Variants in SLIT2 observed in about 807,000 individuals in gnomAD.
SLIT2 encodes the protein slit homolog 2 protein.
SLIT2 carries 41 observed loss-of-function variants against 185.7 expected under a neutral mutation model. The ratio of observed to expected loss-of-function variants is 0.22; its 90% CI spans 0.17 to 0.29. SLIT2 has a LOEUF of 0.29. SLIT2 is among the 10% of genes least tolerant of loss of function. The pLI, the probability that SLIT2 is intolerant of heterozygous loss-of-function variation, is 1.00. For synonymous variants in SLIT2, 693 were observed against 680.2 expected, an observed-to-expected ratio of 1.02 and a Z score of -0.29; for missense variants, 1,571 against 1,909.0, an observed-to-expected ratio of 0.82 and a Z score of 3.30.
chr4:20,459,308 G>A (rs756431174), intron 4 of SLIT2, among the ~76,000 whole-genome samples: 10 of 152,098 alleles, frequency 6.6e-5, no homozygotes, highest in South Asian at 2.1e-4. Flanking sequence ...CAACAGTCAA[G>A]GTGGTGATAA....
intron 25 of SLIT2, 21 bp downstream of exon 25, chr4:20,550,919 T>C: frequency 6.9e-7 from 1 of 1,456,562 alleles, no homozygotes; most frequent in African/African-American, 1.4e-5. Context: ...AGTTTATGAA[T>C]ATAGGTTTAG....
At chr4:20,455,595 T>A (rs563210671) in intron 4 of SLIT2, among the ~76,000 whole-genome samples, 93 of 152,232 alleles carry the variant, frequency 6.1e-4, no homozygotes, top group African/African-American at 2.2e-3. Context: ...AATGGAATAT[T>A]ATTGAGCGAT....
intron 25 of SLIT2, chr4:20,552,789 T>G (rs1409745181): frequency 6.6e-6 from 1 of 152,180 alleles, no homozygotes. Context: ...AGTTAGAAGC[T>G]AATTGTAAAT....
At chr4:20,410,271 CAG>C (rs1453820724) in intron 4 of SLIT2, among the ~76,000 whole-genome samples, 1 of 88,222 alleles carries the variant, frequency 1.1e-5, no homozygotes, top group Non-Finnish European at 2.1e-5. Flanking sequence ...TTTTTTGAGA[CAG>C]AGTCTTGCTC....
At chr4:20,265,147 A>G (rs943238869) in intron 3 of SLIT2, among the ~76,000 whole-genome samples, 9 of 151,894 alleles carry the variant, frequency 5.9e-5, no homozygotes, top group Non-Finnish European at 1.3e-4. Flanking sequence ...ATCATCTTCA[A>G]GCTGTTAAGC....
rs529886629 is a variant in SLIT2, at chr4:20,533,894, G to A, written c.1832+179G>A. 4.4e-5 allele frequency among the ~76,000 whole-genome samples: 6 copies of A among 137,276 alleles called. No homozygotes were observed. In the South Asian group the frequency reaches 1.5e-3, roughly 34 times the overall value. 90.1% of individuals were successfully genotyped at this position (137,276 alleles called of 152,430 possible). A position where few individuals can be genotyped will look rare whatever the true frequency, so the allele number is the denominator to read the frequency against. ...CACACACACATGTATTGTGAATTCAGATGGTCCCTTACCCCAATATTCCTG... is the reference window on the plus strand; with the variant it reads ...CACACACACATGTATTGTGAATTCAAATGGTCCCTTACCCCAATATTCCTG... On this transcript the variant is annotated intron_variant, in intron 18 of 36. Coordinates refer to ENST00000504154, the MANE Select transcript of SLIT2 (RefSeq NM_004787.4).
chr4:20,388,344 C>T (rs1227369964), intron 4 of SLIT2, among the ~76,000 whole-genome samples: 1 of 152,006 alleles, frequency 6.6e-6, no homozygotes, highest in Non-Finnish European at 1.5e-5. Flanking sequence ...ATCTGCAAAA[C>T]TCACAAATAA....
intron 4 of SLIT2, among the ~76,000 whole-genome samples, chr4:20,403,626 A>G (rs1229105996): frequency 2.6e-5 from 4 of 151,910 alleles, no homozygotes; most frequent in Non-Finnish European, 5.9e-5. Context: ...AACTTTATTT[A>G]TGTATTTATG....
chr4:20,575,132 G>C (rs540853820), intron 29 of SLIT2, among the ~76,000 whole-genome samples: 7 of 152,270 alleles, frequency 4.6e-5, no homozygotes, highest in Admixed American at 4.6e-4. Context: ...ACAGGAATAT[G>C]TCCTTAAATT....
intron 11 of SLIT2, 28 bp from the exon 12 acceptor site, chr4:20,519,353 AT>A (rs1165322088): frequency 5.0e-6 from 6 of 1,198,214 alleles, no homozygotes; most frequent in Non-Finnish European, 7.4e-6. Flanking sequence ...TTGGTGTCTA[AT>A]TTTTTTCATT....
Position 20,271,493 on chromosome 4 carries a change from A to T in SLIT2, c.395+2612A>T, listed in dbSNP as rs561310180. 6.4e-3 allele frequency among the ~76,000 whole-genome samples: 725 copies of T among 112,858 alleles called. 6 individuals carry two copies. Among genetic ancestry groups the T allele is most frequent in the African/African-American group, 0.017 (622 of 36,318 alleles). 74.0% of individuals were successfully genotyped at this position (112,858 alleles called of 152,430 possible). A position where few individuals can be genotyped will look rare whatever the true frequency, so the allele number is the denominator to read the frequency against. ...TATATATAATTTATATTTATATATT[A>T]TATATATATATATAGCAAGCCATAG... On this transcript the variant is annotated intron_variant, in intron 4 of 36. Transcript: ENST00000504154.
intron 4 of SLIT2, among the ~76,000 whole-genome samples, chr4:20,274,880 A>G (rs1286437625): frequency 6.6e-6 from 1 of 152,112 alleles, no homozygotes; most frequent in African/African-American, 2.4e-5. Context: ...CAGAAGGGAA[A>G]CTAACAAAAT....
At chr4:20,418,014 G>A (rs1254035203) in intron 4 of SLIT2, among the ~76,000 whole-genome samples, 2 of 152,106 alleles carry the variant, frequency 1.3e-5, no homozygotes, top group African/African-American at 4.8e-5. Flanking sequence ...GATCTTAAGG[G>A]GTTGTCCTGT....
rs571001402 is a variant in SLIT2 at position 20,404,201 on chromosome 4, C to T, written c.396-63551C>T. Among the ~76,000 whole-genome samples the T allele has an allele frequency of 7.9e-5, 12 of 152,024 alleles. No homozygotes were observed. The South Asian group carries it at 1.7e-3, about 21-fold the overall frequency. Reference sequence around the variant, plus strand: ...TTTTACATTTTTTAAGAAGCTATTACTAGTTTCTATTGTGTCTTAGCAAAT... The same window carrying T: ...TTTTACATTTTTTAAGAAGCTATTATTAGTTTCTATTGTGTCTTAGCAAAT... On this transcript the variant is annotated intron_variant, in intron 4 of 36. Transcript: ENST00000504154.
intron 23 of SLIT2, among the ~76,000 whole-genome samples, 195 bp from the exon 24 acceptor site, chr4:20,548,862 G>T (rs1364203560): frequency 6.6e-6 from 1 of 152,074 alleles, no homozygotes; most frequent in Admixed American, 6.6e-5. Flanking sequence ...GTAGGCAGCG[G>T]GAAGCATTCT....
intron 5 of SLIT2, among the ~76,000 whole-genome samples, chr4:20,472,222 G>GTA (rs1217006714): frequency 8.5e-5 from 8 of 94,242 alleles, no homozygotes; most frequent in South Asian, 6.9e-4. Flanking sequence ...GTGTGTGTGT[G>GTA]TATATATATA....
At position 20,510,586 on chromosome 4, in the gene SLIT2, C is replaced by T; in HGVS notation, c.986+20C>T. 2 of 1,470,818 alleles carry T rather than the reference C, an allele frequency of 1.4e-6. No homozygotes were observed. The highest frequency in any genetic ancestry group is 2.3e-5 in the East Asian group (1 of 44,108). 91.1% of individuals were successfully genotyped at this position (1,470,818 alleles called of 1,614,324 possible). A position where few individuals can be genotyped will look rare whatever the true frequency, so the allele number is the denominator to read the frequency against. On this transcript the variant is annotated intron_variant, in intron 10 of 36. Coordinates refer to ENST00000504154, the MANE Select transcript of SLIT2 (RefSeq NM_004787.4). ...ACGAATGTGAGTGAACAATATTCTA[C>T]AATATATGTAATTTTAAAAATTATA...
At chr4:20,542,942 T>A (rs1164333038) in intron 21 of SLIT2, among the ~76,000 whole-genome samples, 1 of 151,836 alleles carries the variant, frequency 6.6e-6, no homozygotes, top group Non-Finnish European at 1.5e-5. Context: ...ATATAAGGTA[T>A]CTTTCACATT....
chr4:20,456,188 G>A (rs1195384618), intron 4 of SLIT2, among the ~76,000 whole-genome samples: 2 of 71,096 alleles, frequency 2.8e-5, no homozygotes, highest in African/African-American at 7.2e-5. Flanking sequence ...GTGAATGAAG[G>A]GTCCTCTTAA....
Sources: gnomAD v4.1 joint callset for allele counts (sites outside exome capture counted in the v4.1 genomes callset) on GRCh38, gnomAD v4.1.1 for gene constraint, MANE v1.5 for transcripts, NCBI Gene and HGNC (gene_info 2026-07-23, HGNC 2026-07-21) for gene names.